LMAN2: variants seen among roughly 807,000 people sequenced by gnomAD.
LMAN2 encodes the protein lectin, mannose binding 2.
LMAN2 carries 22 observed loss-of-function variants against 39.3 expected under a neutral mutation model. That is an observed-to-expected ratio of 0.56 (90% CI 0.40 to 0.80). LMAN2 has a LOEUF of 0.80. LMAN2 is among the 30% of genes least tolerant of loss of function. The pLI, the probability that LMAN2 is intolerant of heterozygous loss-of-function variation, is 0.00. For missense variants in LMAN2, 494 were observed against 505.4 expected (o/e 0.98, Z 0.22); for synonymous variants, 207 against 207.8 (o/e 1.00, Z 0.03).
chr5:177,346,672 CTTT>C (rs934558836), intron 2 of LMAN2, among the ~76,000 whole-genome samples: 1 of 145,030 alleles, frequency 6.9e-6, no homozygotes. Context: ...TTTTTTAACA[CTTT>C]TTTTTTTTTT....
rs952958872 is a variant in LMAN2, at chr5:177,332,606, C to G, written c.911-360G>C. Reference sequence around the variant, plus strand: ...TACATATCCAAGCCCCACCCCCACGCTGTGGTCTGAGGGCCCTTTCTGGAG... The same window carrying G: ...TACATATCCAAGCCCCACCCCCACGGTGTGGTCTGAGGGCCCTTTCTGGAG... On this transcript the variant is annotated intron_variant, in intron 7 of 7. Coordinates refer to ENST00000303127, the MANE Select transcript of LMAN2 (RefSeq NM_006816.3). The surrounding 1 kb of genome is among the most constrained non-coding windows in gnomAD (Gnocchi z 6.3). 6.6e-6 allele frequency among the ~76,000 whole-genome samples: 1 copy of G among 152,160 alleles called. No individual in the cohort carries two copies. The highest frequency in any genetic ancestry group is 1.5e-5 in the Non-Finnish European group (1 of 68,004).
intron 6 of LMAN2, chr5:177,334,661 C>A (rs539260695): frequency 2.5e-5 from 10 of 393,004 alleles, no homozygotes; most frequent in African/African-American, 1.8e-4. Flanking sequence ...ATCCTGGGGT[C>A]TGCCGCCCTC....
At chr5:177,333,859 C>T (rs1362016808) in intron 7 of LMAN2, among the ~76,000 whole-genome samples, 1 of 152,242 alleles carries the variant, frequency 6.6e-6, no homozygotes, top group Non-Finnish European at 1.5e-5. Context: ...AGCACGACTT[C>T]TTCCAGGTGG....
chr5:177,344,092 C>A (rs1277982520), intron 2 of LMAN2, among the ~76,000 whole-genome samples: 1 of 151,498 alleles, frequency 6.6e-6, no homozygotes. Context: ...ATAGCACATG[C>A]CTTGTAATCC....
intron 6 of LMAN2, among the ~76,000 whole-genome samples, chr5:177,335,970 G>A (rs1761463311): frequency 6.6e-6 from 1 of 152,238 alleles, no homozygotes; most frequent in Non-Finnish European, 1.5e-5. Context: ...GGCCTGAGCA[G>A]GTTAGAGGCA....
Position 177,332,349 on chromosome 5 carries a change from G to A in LMAN2, c.911-103C>T, listed in dbSNP as rs1316668928. 2 of 1,124,698 alleles carry A rather than the reference G, an allele frequency of 1.8e-6. No homozygotes were observed. The highest frequency in any genetic ancestry group is 4.4e-5 in the Admixed American group (2 of 45,188). 69.7% of individuals were successfully genotyped at this position (1,124,698 alleles called of 1,614,324 possible). ...GGAACAGGACAGCCGGCCACGGTGG[G>A]CAGGCCGGTCGTACTCACCCCCCTC... On this transcript the variant is annotated intron_variant, in intron 7 of 7. Coordinates refer to ENST00000303127, the MANE Select transcript of LMAN2 (RefSeq NM_006816.3). This position sits in a 1 kb window ranked among gnomAD's most constrained non-coding sequence, Gnocchi z 6.3.
At position 177,337,783 on chromosome 5, in the gene LMAN2, G is replaced by T. The variant is rs746002262; in HGVS notation, c.436C>A (p.Pro146Thr). ...AAGTTATCTTTGCTTCCAAACACAG[G>T]CCCTAGAATTATAAGCAGATGCTCT... ...WYTRDRLVPG[P>T]VFGSKDNFHG... The change falls in exon 4 of 8, where the codon CCT becomes ACT. Residue 146 changes from proline to threonine, a missense_variant and splice_region_variant. Physicochemically the swap from Pro to Thr is conservative, Grantham distance 38. Transcript: ENST00000303127. The surrounding 1 kb of genome is among the most constrained non-coding windows in gnomAD (Gnocchi z 8.2). The T allele has an allele frequency of 1.9e-6, 3 of 1,613,680 alleles. No individual in the cohort carries two copies. Among genetic ancestry groups the T allele is most frequent in the East Asian group, 2.2e-5 (1 of 44,886 alleles).
chr5:177,344,116 CACT>C (rs1337263291), intron 2 of LMAN2, among the ~76,000 whole-genome samples: 1 of 151,114 alleles, frequency 6.6e-6, no homozygotes, highest in Non-Finnish European at 1.5e-5. Flanking sequence ...CTACTCAGGA[CACT>C]AAGCAGGAGG....
At chr5:177,348,617 G>A (rs1761673045) in intron 2 of LMAN2, among the ~76,000 whole-genome samples, 1 of 149,926 alleles carries the variant, frequency 6.7e-6, no homozygotes, top group African/African-American at 2.5e-5. Context: ...GAACTCGTGA[G>A]GTGGAGGTTG....
chr5:177,342,496 G>A (rs755550974), intron 2 of LMAN2, among the ~76,000 whole-genome samples: 6 of 152,214 alleles, frequency 3.9e-5, no homozygotes, highest in Non-Finnish European at 5.9e-5. Context: ...ACTAGCCCAG[G>A]CAACACGGTG....
chr5:177,334,231 C>T (rs374381603), intron 7 of LMAN2, 53 bp downstream of exon 7: 1 of 1,565,152 alleles, frequency 6.4e-7, no homozygotes, highest in Admixed American at 1.8e-5. Context: ...GGCTTCACCC[C>T]ATTCTGGGTC....
At chr5:177,336,554 C>T (rs918706042) in intron 6 of LMAN2, among the ~76,000 whole-genome samples, 5 of 152,084 alleles carry the variant, frequency 3.3e-5, no homozygotes, top group Admixed American at 6.5e-5. Context: ...AGTGGTGAGA[C>T]GTGCTGTGAA....
At chr5:177,342,980 G>A (rs1018040664) in intron 2 of LMAN2, among the ~76,000 whole-genome samples, 7 of 152,088 alleles carry the variant, frequency 4.6e-5, no homozygotes, top group Admixed American at 2.0e-4. Context: ...TAGGCCGGGC[G>A]CGGTGGCTCA....
At chr5:177,345,696 G>A (rs1377623885) in intron 2 of LMAN2, among the ~76,000 whole-genome samples, 1 of 151,994 alleles carries the variant, frequency 6.6e-6, no homozygotes, top group East Asian at 1.9e-4. Flanking sequence ...TCTGGCTGAG[G>A]AACAAGTTGG....
rs543045024 is a variant in LMAN2, at chr5:177,337,661, C to A, written c.513+45G>T. 7 of 1,609,200 alleles carry A rather than the reference C, an allele frequency of 4.3e-6. No individual in the cohort carries two copies. In the African/African-American group the frequency reaches 9.3e-5, roughly 21 times the overall value. Reference sequence around the variant, plus strand: ...CAGGGCCCCCTCCTCTAGCCGACTGCCCAGTCCTTCCTTTCCTGCTCAGCA... The same window carrying A: ...CAGGGCCCCCTCCTCTAGCCGACTGACCAGTCCTTCCTTTCCTGCTCAGCA... On this transcript the variant is annotated intron_variant, in intron 4 of 7. Coordinates refer to ENST00000303127, the MANE Select transcript of LMAN2 (RefSeq NM_006816.3). The surrounding 1 kb of genome is among the most constrained non-coding windows in gnomAD (Gnocchi z 8.2).
At chr5:177,334,856 A>G (rs1346883148) in intron 6 of LMAN2, among the ~76,000 whole-genome samples, 2 of 152,234 alleles carry the variant, frequency 1.3e-5, no homozygotes, top group African/African-American at 4.8e-5. Context: ...TGAGGTCCCA[A>G]GGGCAGGAGC....
rs994764401 is a variant in LMAN2, at chr5:177,337,111, C to A, written c.790+25G>T. On this transcript the variant is annotated intron_variant, in intron 6 of 7. Coordinates refer to ENST00000303127, the MANE Select transcript of LMAN2 (RefSeq NM_006816.3). The surrounding 1 kb of genome is among the most constrained non-coding windows in gnomAD (Gnocchi z 8.2). Reference sequence around the variant, plus strand: ...CCCTCAGGGTGAGCTGGGCTGGGAACCAACGCCTGGCCCGGCCCACTCACC... The same window carrying A: ...CCCTCAGGGTGAGCTGGGCTGGGAAACAACGCCTGGCCCGGCCCACTCACC... 3.8e-6 allele frequency: 6 copies of A among 1,573,722 alleles called. No homozygotes were observed. In the African/African-American group the frequency reaches 4.0e-5, roughly 11 times the overall value.
In LMAN2 at chr5:177,341,080, T is replaced by G. The variant is rs1369232510; in HGVS notation, c.316-2475A>C. Among the ~76,000 whole-genome samples the G allele has an allele frequency of 2.3e-4, 33 of 143,990 alleles. No homozygotes were observed. In the South Asian group the frequency reaches 3.3e-3, roughly 15 times the overall value. The allele number at this position is 143,990 out of a possible 152,430, so 94.5% of individuals were successfully genotyped here. On this transcript the variant is annotated intron_variant, in intron 2 of 7. Coordinates refer to ENST00000303127, the MANE Select transcript of LMAN2 (RefSeq NM_006816.3). ...TTTTTTTTTCTTTTTTTTTTTTTTT[T>G]TGTGAGACAGAGTTTCGCTCTTGTT... is the stretch of plus-strand genomic sequence containing the variant.
intron 3 of LMAN2, 41 bp downstream of exon 3, chr5:177,338,447 G>A: frequency 1.3e-6 from 2 of 1,545,430 alleles, no homozygotes; most frequent in Non-Finnish European, 1.8e-6. Flanking sequence ...CCATGCCCGT[G>A]CCCACCCCCA....
Sources: gnomAD v4.1 joint callset for allele counts (sites outside exome capture counted in the v4.1 genomes callset) on GRCh38, gnomAD v4.1.1 for gene constraint, Gnocchi (gnomAD v3.1) non-coding constraint, MANE v1.5 for transcripts, NCBI Gene and HGNC (gene_info 2026-07-23, HGNC 2026-07-21) for gene names.